RASAL2: variants seen among roughly 807,000 people sequenced by gnomAD.
RASAL2 encodes ras GTPase-activating protein nGAP.
RASAL2 carries 58 observed loss-of-function variants against 128.9 expected under a neutral mutation model. The ratio of observed to expected loss-of-function variants is 0.45; its 90% CI spans 0.36 to 0.56. RASAL2 has a LOEUF of 0.56. RASAL2 is among the 20% of genes least tolerant of loss of function. RASAL2 has a pLI of 0.00. For synonymous variants in RASAL2, 561 were observed against 580.8 expected, an observed-to-expected ratio of 0.97 and a Z score of 0.49; for missense variants, 1,360 against 1,601.6, an observed-to-expected ratio of 0.85 and a Z score of 2.57.
At chr1:178,185,136 TGTA>T (rs1662246884) in intron 1 of RASAL2, among the ~76,000 whole-genome samples, 2 of 151,990 alleles carry the variant, frequency 1.3e-5, no homozygotes, top group Admixed American at 6.5e-5. Context: ...ATTTTCAAAT[TGTA>T]GTTGTTTGTT....
chr1:178,127,640 A>G (rs1372095131), intron 1 of RASAL2, among the ~76,000 whole-genome samples: 1 of 152,104 alleles, frequency 6.6e-6, no homozygotes, highest in Admixed American at 6.6e-5. Context: ...ATTACATTTT[A>G]TAACTTTGTT....
chr1:178,151,893 G>A (rs1279063079), intron 1 of RASAL2, among the ~76,000 whole-genome samples: 2 of 152,312 alleles, frequency 1.3e-5, no homozygotes, highest in Admixed American at 1.3e-4. Context: ...AGGCCCACCT[G>A]GAGAGGAACT....
At chr1:178,453,379 T>C (rs1677527250) in intron 11 of RASAL2, among the ~76,000 whole-genome samples, 1 of 151,826 alleles carries the variant, frequency 6.6e-6, no homozygotes, top group Admixed American at 6.6e-5. Flanking sequence ...TGCAACTTAG[T>C]TTAAAATGGT....
At chr1:178,296,143 G>A (rs76441821) in intron 2 of RASAL2, among the ~76,000 whole-genome samples, 1 of 129,724 alleles carries the variant, frequency 7.7e-6, no homozygotes, top group Non-Finnish European at 1.5e-5. Context: ...ATATGTGTGT[G>A]TATATATGTG....
chr1:178,147,043 G>A lies in RASAL2; in HGVS notation c.202+52349G>A, dbSNP rs891811268. 2.0e-5 allele frequency among the ~76,000 whole-genome samples: 3 copies of A among 152,142 alleles called. No individual in the cohort carries two copies. In the East Asian group the frequency reaches 5.8e-4, roughly 29 times the overall value. ...TCATACAACTTGAATAATTTCTGAG[G>A]TTACAGATTTTAACTGTAATTAAGT... On this transcript the variant is annotated intron_variant, in intron 1 of 17. Transcript: ENST00000367649.
At chr1:178,157,685 A>G (rs1398756524) in intron 1 of RASAL2, among the ~76,000 whole-genome samples, 1 of 152,160 alleles carries the variant, frequency 6.6e-6, no homozygotes, top group Non-Finnish European at 1.5e-5. Flanking sequence ...CATAACCACC[A>G]CTATTGCATG....
chr1:178,105,081 G>C (rs969674949), intron 1 of RASAL2, among the ~76,000 whole-genome samples: 5 of 152,180 alleles, frequency 3.3e-5, no homozygotes, highest in African/African-American at 4.8e-5. Context: ...GAGTGATTGA[G>C]TTGTATGTCT....
At chr1:178,234,534 A>T (rs557941798) in intron 1 of RASAL2, among the ~76,000 whole-genome samples, 6 of 152,198 alleles carry the variant, frequency 3.9e-5, no homozygotes, top group Non-Finnish European at 8.8e-5. Flanking sequence ...TTTAAAAATT[A>T]TTTCATATTG....
intron 1 of RASAL2, among the ~76,000 whole-genome samples, chr1:178,207,716 A>G (rs1026754918): frequency 5.3e-5 from 8 of 152,214 alleles, no homozygotes; most frequent in Non-Finnish European, 8.8e-5. Context: ...TATAATAAAA[A>G]ACAGTCCTCT....
At chr1:178,249,822 C>T (rs1163855480) in intron 1 of RASAL2, among the ~76,000 whole-genome samples, 6 of 152,196 alleles carry the variant, frequency 3.9e-5, no homozygotes, top group African/African-American at 1.4e-4. Context: ...TAACAGGCCT[C>T]TCTTCTGCAG....
intron 17 of RASAL2, among the ~76,000 whole-genome samples, chr1:178,471,057 C>A (rs576364019): frequency 9.9e-5 from 15 of 152,200 alleles, no homozygotes; most frequent in African/African-American, 2.9e-4. Context: ...TCAGTTGTTA[C>A]CTTTTTAGGC....
At chr1:178,238,215 A>C (rs1159097224) in intron 1 of RASAL2, among the ~76,000 whole-genome samples, 1 of 152,162 alleles carries the variant, frequency 6.6e-6, no homozygotes, top group Non-Finnish European at 1.5e-5. Flanking sequence ...TACTTAGCAT[A>C]ATGGTTTCAT....
At chr1:178,354,560 C>T (rs1670697909) in intron 3 of RASAL2, among the ~76,000 whole-genome samples, 3 of 152,164 alleles carry the variant, frequency 2.0e-5, no homozygotes, top group Admixed American at 2.0e-4. Flanking sequence ...ATTAAAACTT[C>T]ACAAGTGATG....
intron 1 of RASAL2, among the ~76,000 whole-genome samples, chr1:178,140,158 C>T (rs1660474904): frequency 6.6e-6 from 1 of 152,048 alleles, no homozygotes; most frequent in African/African-American, 2.4e-5. Context: ...ATTATTGCTC[C>T]TCCAAGGACA....
chr1:178,173,818 T>A (rs952898339), intron 1 of RASAL2, among the ~76,000 whole-genome samples: 2 of 152,008 alleles, frequency 1.3e-5, no homozygotes, highest in East Asian at 1.9e-4. Flanking sequence ...ATATTGTCAT[T>A]GGGTCTTTAT....
At chr1:178,282,221 T>G (rs1378224314) in intron 1 of RASAL2, among the ~76,000 whole-genome samples, 1 of 152,168 alleles carries the variant, frequency 6.6e-6, no homozygotes, top group Non-Finnish European at 1.5e-5. Context: ...TTCTTGGACC[T>G]TGAATTATCT....
At chr1:178,454,746 C>T (rs1227951232) in intron 12 of RASAL2, 98 bp downstream of exon 12, 1 of 1,014,574 alleles carries the variant, frequency 9.9e-7, no homozygotes, top group East Asian at 2.5e-5. Flanking sequence ...TAATTGAAAG[C>T]AACTGTTTAC....
intron 3 of RASAL2, among the ~76,000 whole-genome samples, chr1:178,349,217 G>A (rs1480567243): frequency 6.8e-6 from 1 of 147,446 alleles, no homozygotes. Context: ...TCAGGAGATC[G>A]AGACCGTCCT....
chr1:178,294,514 C>T (rs1667409547), intron 2 of RASAL2, among the ~76,000 whole-genome samples: 1 of 152,222 alleles, frequency 6.6e-6, no homozygotes, highest in African/African-American at 2.4e-5. Context: ...TAAATAGAGG[C>T]TTTTGGCACC....
Sources: allele counts gnomAD v4.1 joint callset (sites outside exome capture counted in the v4.1 genomes callset), GRCh38; gene constraint gnomAD v4.1.1; transcripts MANE v1.5; gene names NCBI Gene and HGNC (gene_info 2026-07-23, HGNC 2026-07-21).